Variants in DSE observed in about 807,000 individuals in gnomAD.
DSE encodes the protein dermatan sulfate epimerase.
A neutral mutation model predicts 84.4 loss-of-function variants in DSE; 36 were observed. The observed-to-expected ratio is 0.43, with a 90% CI of 0.33 to 0.56. The LOEUF (loss-of-function observed/expected upper bound fraction) is 0.56, where lower values mean the gene tolerates loss of function less well. Among genes scored for constraint, DSE ranks in the 20% least tolerant of loss-of-function variants. The probability of loss-of-function intolerance (pLI) is 0.06; values close to 1 mark genes in which losing one functional copy is unlikely to be tolerated. For missense variants in DSE, 862 were observed against 1,169.6 expected (o/e 0.74, Z 3.84); for synonymous variants, 410 against 430.1 (o/e 0.95, Z 0.58).
chr6:116,410,476 G>A (rs1192512248), intron 2 of DSE, among the ~76,000 whole-genome samples: 1 of 152,186 alleles, frequency 6.6e-6, no homozygotes, highest in Non-Finnish European at 1.5e-5. Flanking sequence ...GCTCACGCCT[G>A]TAATCTCAGC....
At chr6:116,390,687 T>C (rs955173379) in intron 1 of DSE, among the ~76,000 whole-genome samples, 6 of 152,196 alleles carry the variant, frequency 3.9e-5, no homozygotes, top group Admixed American at 2.0e-4. Flanking sequence ...AGATCTTCAA[T>C]TGTTAGACTG....
Position 116,275,459 on chromosome 6 carries a change from T to C in DSE, c.-54+16492T>C, listed in dbSNP as rs574530006. ...AGGTTATTTTGTTCTTTTTCCTCCA[T>C]CTGAGTTTTGTCATTCAATATTTAT... On this transcript the variant is annotated intron_variant, in intron 2 of 3. Transcript: ENST00000430252. Among the ~76,000 whole-genome samples, 80 of 152,352 alleles carry C rather than the reference T, an allele frequency of 5.3e-4. 1 individual carries two copies. Among genetic ancestry groups the C allele is most frequent in the Middle Eastern group, 3.4e-3 (1 of 294 alleles).
At chr6:116,399,877 T>C in intron 2 of DSE, 1 of 560,410 alleles carries the variant, frequency 1.8e-6, no homozygotes, top group Non-Finnish European at 3.1e-6. Flanking sequence ...AAGGAAAATA[T>C]TTAGATGCAG....
At chr6:116,380,478 C>CA (rs1411958964) in intron 1 of DSE, among the ~76,000 whole-genome samples, 1 of 151,476 alleles carries the variant, frequency 6.6e-6, no homozygotes, top group Non-Finnish European at 1.5e-5. Flanking sequence ...GGATTTTATA[C>CA]AAAAAAGAGG....
At chr6:116,308,431 A>G (rs1292821800) in intron 2 of DSE, among the ~76,000 whole-genome samples, 1 of 152,180 alleles carries the variant, frequency 6.6e-6, no homozygotes, top group African/African-American at 2.4e-5. Flanking sequence ...GACAGAAAAT[A>G]TTTGTTGATA....
chr6:116,293,972 T>C (rs1481645047), intron 2 of DSE, among the ~76,000 whole-genome samples: 3 of 152,092 alleles, frequency 2.0e-5, no homozygotes, highest in African/African-American at 7.2e-5. Flanking sequence ...ATATATACAA[T>C]TAGTAACTAG....
chr6:116,411,289 G>A (rs3798409), intron 2 of DSE, among the ~76,000 whole-genome samples: 41,795 of 152,112 alleles, frequency 0.27, 7,040 homozygotes, highest in Middle Eastern at 0.38. Flanking sequence ...AAAGGAGATC[G>A]TATTTAGTTC....
At chr6:116,258,094 C>G (rs529603821) in intron 1 of DSE, among the ~76,000 whole-genome samples, 2 of 152,340 alleles carry the variant, frequency 1.3e-5, no homozygotes, top group South Asian at 4.1e-4. Context: ...TCTTGGCTCA[C>G]TGCAACCTCC....
chr6:116,361,239 T>G (rs937147089), intron 2 of DSE, among the ~76,000 whole-genome samples: 1 of 151,950 alleles, frequency 6.6e-6, no homozygotes, highest in African/African-American at 2.4e-5. Flanking sequence ...TTTTCTACTT[T>G]TAGTAGAGGT....
At chr6:116,332,560 C>T (rs1777015467) in intron 2 of DSE, among the ~76,000 whole-genome samples, 1 of 151,946 alleles carries the variant, frequency 6.6e-6, no homozygotes, top group Non-Finnish European at 1.5e-5. Context: ...TAGGATAGTA[C>T]AGTATTGGGG....
intron 2 of DSE, among the ~76,000 whole-genome samples, chr6:116,334,604 T>C (rs749188983): frequency 6.6e-6 from 1 of 152,216 alleles, no homozygotes; most frequent in South Asian, 2.1e-4. Context: ...TGCCCATTCC[T>C]ACGTCCAGAA....
chr6:116,370,463 G>T, upstream of DSE: 1 of 987,180 alleles, frequency 1.0e-6, no homozygotes, highest in Non-Finnish European at 1.2e-6. Context: ...GTAACTATTC[G>T]GGAGGAGGCA....
intron 2 of DSE, among the ~76,000 whole-genome samples, chr6:116,329,110 C>G (rs1776797341): frequency 6.6e-6 from 1 of 152,078 alleles, no homozygotes; most frequent in African/African-American, 2.4e-5. Context: ...CAAATGTAAG[C>G]TGAATATTAC....
intron 2 of DSE, among the ~76,000 whole-genome samples, chr6:116,425,020 A>T (rs1020784919): frequency 5.3e-5 from 8 of 152,238 alleles, no homozygotes; most frequent in African/African-American, 1.9e-4. Context: ...GAGGATCTGT[A>T]ACAAAGTTAC....
At chr6:116,365,205 C>T (rs1458619868) in intron 2 of DSE, among the ~76,000 whole-genome samples, 1 of 151,996 alleles carries the variant, frequency 6.6e-6, no homozygotes, top group Non-Finnish European at 1.5e-5. Context: ...GAGTTTTAAA[C>T]ACCTCAAACT....
intron 2 of DSE, among the ~76,000 whole-genome samples, chr6:116,314,281 TC>T (rs763286356): frequency 6.6e-6 from 1 of 152,198 alleles, no homozygotes; most frequent in Non-Finnish European, 1.5e-5. Context: ...AATTGATTGC[TC>T]CCCCTTCCTT....
intron 1 of DSE, among the ~76,000 whole-genome samples, chr6:116,398,698 A>G (rs1010480016): frequency 1.3e-5 from 2 of 152,222 alleles, no homozygotes; most frequent in African/African-American, 4.8e-5. Context: ...TTACAGATGT[A>G]TTGATCCTAA....
intron 2 of DSE, chr6:116,279,689 C>T: frequency 6.2e-7 from 1 of 1,610,220 alleles, no homozygotes; most frequent in Non-Finnish European, 8.5e-7. Flanking sequence ...TCACCCGGCT[C>T]CGCCATCACC....
chr6:116,390,058 A>G (rs995004296), intron 1 of DSE, among the ~76,000 whole-genome samples: 2 of 151,352 alleles, frequency 1.3e-5, no homozygotes, highest in Admixed American at 6.6e-5. Flanking sequence ...AATGCCTAAC[A>G]TAGTTCCAGG....
Sources: allele counts gnomAD v4.1 joint callset (sites outside exome capture counted in the v4.1 genomes callset), GRCh38; gene constraint gnomAD v4.1.1; transcripts MANE v1.5; gene names NCBI Gene and HGNC (gene_info 2026-07-23, HGNC 2026-07-21).